The following GNAZ variants were observed in gnomAD, a reference collection of about 807,000 sequenced individuals.
The protein encoded by GNAZ is G protein subunit alpha z, also known as guanine nucleotide-binding protein G(z) subunit alpha.
GNAZ carries 3 observed loss-of-function variants against 25.4 expected under a neutral mutation model. The ratio of observed to expected loss-of-function variants is 0.12; its 90% CI spans 0.05 to 0.30. The LOEUF is 0.30. GNAZ is among the 10% of genes least tolerant of loss of function. The pLI, the probability that GNAZ is intolerant of heterozygous loss-of-function variation, is 1.00. For missense variants in GNAZ, 241 were observed against 501.8 expected (o/e 0.48, Z 4.97); for synonymous variants, 211 against 205.7 (o/e 1.03, Z -0.22).
At chr22:23,091,113 C>T (rs959819659) in intron 1 of GNAZ, among the ~76,000 whole-genome samples, 6 of 152,214 alleles carry the variant, frequency 3.9e-5, no homozygotes, top group Admixed American at 2.0e-4. Flanking sequence ...GCTGCACACA[C>T]GCACAACCAC....
At chr22:23,110,868 C>A (rs573572187) in intron 2 of GNAZ, among the ~76,000 whole-genome samples, 5 of 152,310 alleles carry the variant, frequency 3.3e-5, no homozygotes, top group African/African-American at 1.2e-4. Flanking sequence ...CTGAGGCTGG[C>A]GAGCACACGG....
chr22:23,119,514 G>A (rs925353021), intron 2 of GNAZ, among the ~76,000 whole-genome samples: 3 of 152,216 alleles, frequency 2.0e-5, no homozygotes, highest in Non-Finnish European at 2.9e-5. Context: ...CTCACTTGCT[G>A]GTCCATCAGC....
At chr22:23,099,992 T>G (rs999143387) in intron 2 of GNAZ, among the ~76,000 whole-genome samples, 1 of 152,252 alleles carries the variant, frequency 6.6e-6, no homozygotes, top group Non-Finnish European at 1.5e-5. Flanking sequence ...AAAGGTCTAG[T>G]TGTAAAGCAT....
intron 2 of GNAZ, among the ~76,000 whole-genome samples, chr22:23,119,984 G>T (rs949511429): frequency 1.2e-4 from 18 of 152,220 alleles, no homozygotes; most frequent in African/African-American, 4.1e-4. Context: ...TGCAAAGCAA[G>T]GGGAGTCCTG....
intron 1 of GNAZ, among the ~76,000 whole-genome samples, chr22:23,085,148 G>T (rs1262954343): frequency 6.6e-6 from 1 of 152,198 alleles, no homozygotes; most frequent in Non-Finnish European, 1.5e-5. Flanking sequence ...CCCGTCTGCT[G>T]CATCTGCGGG....
intron 2 of GNAZ, among the ~76,000 whole-genome samples, chr22:23,098,889 G>A (rs903208711): frequency 2.0e-5 from 3 of 152,204 alleles, no homozygotes; most frequent in African/African-American, 7.2e-5. Context: ...GTGCTGGCAC[G>A]GGCTGGCACA....
intron 2 of GNAZ, among the ~76,000 whole-genome samples, chr22:23,099,516 G>A (rs1344607759): frequency 6.6e-6 from 1 of 152,246 alleles, no homozygotes; most frequent in African/African-American, 2.4e-5. Context: ...CCTGTCCCCT[G>A]AATGATCCTG....
chr22:23,077,550 A>G (rs768004044), intron 1 of GNAZ, among the ~76,000 whole-genome samples: 2 of 152,142 alleles, frequency 1.3e-5, no homozygotes, highest in Non-Finnish European at 2.9e-5. Flanking sequence ...GGCCACGGAA[A>G]CAAGGTGCTA....
At chr22:23,100,235 A>G (rs774743404) in intron 2 of GNAZ, among the ~76,000 whole-genome samples, 1 of 152,198 alleles carries the variant, frequency 6.6e-6, no homozygotes, top group Non-Finnish European at 1.5e-5. Context: ...CTTCATTTCC[A>G]CAAAGCCTCT....
chr22:23,100,270 T>C (rs2069258691), intron 2 of GNAZ, among the ~76,000 whole-genome samples: 1 of 152,230 alleles, frequency 6.6e-6, no homozygotes. Flanking sequence ...CTGCCCTGTC[T>C]TTCTAGAGCT....
chr22:23,094,446 G>C (rs947997916), intron 1 of GNAZ, among the ~76,000 whole-genome samples: 1 of 152,144 alleles, frequency 6.6e-6, no homozygotes, highest in Non-Finnish European at 1.5e-5. Flanking sequence ...AGGCCTCTAG[G>C]CCACCCTGCC....
In GNAZ at chr22:23,124,285, G is replaced by T; in HGVS notation, c.*854G>T. On this transcript the variant is annotated 3_prime_UTR_variant, in exon 3 of 3. Transcript: ENST00000615612. ...AATCCAGAAAATTTCAAATGCAGTTGAGTATTCTTTTTTAAATGCAGATTT... is the reference window on the plus strand; with the variant it reads ...AATCCAGAAAATTTCAAATGCAGTTTAGTATTCTTTTTTAAATGCAGATTT... 1 of 239,112 alleles carries T rather than the reference G, an allele frequency of 4.2e-6. No individual in the cohort carries two copies. The highest frequency in any genetic ancestry group is 9.7e-6 in the Non-Finnish European group (1 of 102,594). 14.8% of individuals were successfully genotyped at this position (239,112 alleles called of 1,614,324 possible). A position where few individuals can be genotyped will look rare whatever the true frequency, so the allele number is the denominator to read the frequency against.
intron 2 of GNAZ, among the ~76,000 whole-genome samples, chr22:23,104,545 CAT>C (rs574945377): frequency 1.4e-3 from 210 of 152,312 alleles, no homozygotes; most frequent in African/African-American, 4.9e-3. Context: ...AGTACACACA[CAT>C]GAGAACAGCT....
chr22:23,079,575 A>C (rs1225183257), intron 1 of GNAZ, among the ~76,000 whole-genome samples: 1 of 152,156 alleles, frequency 6.6e-6, no homozygotes, highest in African/African-American at 2.4e-5. Flanking sequence ...GGGAGCAAAC[A>C]TGAGAAGGTT....
At chr22:23,091,626 A>C (rs937151318) in intron 1 of GNAZ, among the ~76,000 whole-genome samples, 1 of 151,590 alleles carries the variant, frequency 6.6e-6, no homozygotes, top group Non-Finnish European at 1.5e-5. Context: ...ATGCACCGCA[A>C]TGGACCTGCA....
chr22:23,076,940 T>A (rs902721913), intron 1 of GNAZ, among the ~76,000 whole-genome samples: 5 of 152,208 alleles, frequency 3.3e-5, no homozygotes, highest in Admixed American at 6.5e-5. Context: ...CTCTGGGCCT[T>A]CCTTGCCTTT....
At chr22:23,089,976 C>T (rs531710935) in intron 1 of GNAZ, among the ~76,000 whole-genome samples, 15 of 152,298 alleles carry the variant, frequency 9.8e-5, no homozygotes, top group African/African-American at 2.9e-4. Context: ...GCCAGCATGT[C>T]GAACCTGGTG....
intron 1 of GNAZ, among the ~76,000 whole-genome samples, chr22:23,093,220 G>A (rs922495836): frequency 1.3e-5 from 2 of 152,226 alleles, no homozygotes; most frequent in African/African-American, 4.8e-5. Flanking sequence ...CACTGGGATT[G>A]GGCTGAGTGA....
At chr22:23,094,973 A>G (rs1338312842) in intron 1 of GNAZ, among the ~76,000 whole-genome samples, 1 of 152,204 alleles carries the variant, frequency 6.6e-6, no homozygotes, top group Non-Finnish European at 1.5e-5. Flanking sequence ...TGAGTCCAGC[A>G]TGGGGGCTGG....
Sources: allele counts gnomAD v4.1 joint callset (sites outside exome capture counted in the v4.1 genomes callset), GRCh38; gene constraint gnomAD v4.1.1; transcripts MANE v1.5; gene names NCBI Gene and HGNC (gene_info 2026-07-23, HGNC 2026-07-21).